TEPSIN: variants seen among roughly 807,000 people sequenced by gnomAD.
TEPSIN encodes TEPSIN adaptor related protein complex 4 accessory protein, also known as AP-4 complex accessory subunit tepsin.
TEPSIN carries 50 observed loss-of-function variants against 48.5 expected under a neutral mutation model. The observed-to-expected ratio is 1.03, with a 90% CI of 0.82 to 1.31. The LOEUF (loss-of-function observed/expected upper bound fraction) is 1.31. TEPSIN is among the 50% of genes most tolerant of loss of function. The probability of loss-of-function intolerance (pLI) is 0.00; values close to 1 mark genes in which losing one functional copy is unlikely to be tolerated. For synonymous variants in TEPSIN, 392 were observed against 358.8 expected, an observed-to-expected ratio of 1.09 and a Z score of -1.05; for missense variants, 838 against 815.9, an observed-to-expected ratio of 1.03 and a Z score of -0.33.
At chr17:81,238,927 G>A in intron 1 of TEPSIN, 59 bp downstream of exon 1, 2 of 1,401,498 alleles carry the variant, frequency 1.4e-6, no homozygotes, top group South Asian at 1.5e-5. Context: ...CGAGTCCGGG[G>A]AATGCGGCGC....
At chr17:81,231,756 G>C (rs1188851784) in intron 9 of TEPSIN, 65 bp from the exon 10 acceptor site, 64 of 1,607,446 alleles carry the variant, frequency 4.0e-5, no homozygotes, top group Non-Finnish European at 5.4e-5. Flanking sequence ...GTCTCGCATG[G>C]GGGAGAACCT....
At position 81,236,918 on chromosome 17, in the gene TEPSIN, C is replaced by T; in HGVS notation, c.213+62G>A. ...TGCCACCCTGGGCCGCTCGTCTGCT[C>T]CTCCATCCTCACCACCGTGGGCCGG... On this transcript the variant is annotated intron_variant, in intron 3 of 12. Coordinates refer to ENST00000637944, the MANE Select transcript of TEPSIN (RefSeq NM_001363764.2). 8.5e-6 allele frequency: 13 copies of T among 1,535,698 alleles called. 1 individual carries two copies. In the South Asian group the frequency reaches 1.3e-4, roughly 16 times the overall value.
At position 81,231,000 on chromosome 17, in the gene TEPSIN, G is replaced by A; in HGVS notation, c.1099-322C>T. The stretch of plus-strand genomic sequence containing the variant: ...GACCCCAGCGAGAAGCACGTGACCT[G>A]CTGCCCCGATTGCCTTACCTTCATT... On this transcript the variant is annotated intron_variant, in intron 11 of 12. Coordinates refer to ENST00000637944, the MANE Select transcript of TEPSIN (RefSeq NM_001363764.2). This position sits in a 1 kb window ranked among gnomAD's most constrained non-coding sequence, Gnocchi z 4.2. 1 of 498,438 alleles carries A rather than the reference G, an allele frequency of 2.0e-6. No homozygotes were observed. The highest frequency in any genetic ancestry group is 3.6e-6 in the Non-Finnish European group (1 of 280,584). The allele number at this position is 498,438 out of a possible 1,614,324, so 30.9% of individuals were successfully genotyped here.
chr17:81,230,643 G>A lies in TEPSIN; in HGVS notation c.1134C>T (p.Ser378=), dbSNP rs774883376. The stretch of plus-strand genomic sequence containing the variant: ...GGATGTGCTCCTGGGGGAGGAGGTC[G>A]CTGCTCCCCAGGGAGGCGATGGCAC... The part of the protein sequence containing the change: ...ALCAIASLGS[S]DLLPQEHILL... Residue 378 remains serine, a synonymous_variant, in exon 12 of 13, where the codon AGC becomes AGT. Transcript: ENST00000637944. The surrounding 1 kb of genome is among the most constrained non-coding windows in gnomAD (Gnocchi z 4.2). 2.1e-5 allele frequency: 34 copies of A among 1,587,934 alleles called. No homozygotes were observed. The highest frequency in any genetic ancestry group is 6.9e-5 in the East Asian group (3 of 43,466).
Position 81,236,758 on chromosome 17 carries a change from A to G in TEPSIN, c.257T>C (p.Phe86Ser), listed in dbSNP as rs376211942. The change falls in exon 4 of 13, where the codon TTC becomes TCC. Residue 86 changes from phenylalanine to serine, a missense_variant. Phe to Ser is a radical substitution (Grantham distance 155). Coordinates refer to ENST00000637944, the MANE Select transcript of TEPSIN (RefSeq NM_001363764.2). ...LLYLCSHGSS[F>S]FLLILKRNSA... Reference sequence around the variant, plus strand: ...GTTGCGTTTGAGGATGAGCAGGAAGAAGGAGGAGCCGTGGCTGCACAGATA... The same window carrying G: ...GTTGCGTTTGAGGATGAGCAGGAAGGAGGAGGAGCCGTGGCTGCACAGATA... 1.4e-4 allele frequency: 213 copies of G among 1,575,030 alleles called. No homozygotes were observed. The highest frequency in any genetic ancestry group is 2.1e-4 in the East Asian group (9 of 42,510).
intron 4 of TEPSIN, among the ~76,000 whole-genome samples, chr17:81,235,793 C>T (rs1030305260): frequency 3.9e-5 from 6 of 152,238 alleles, no homozygotes; most frequent in African/African-American, 1.4e-4. Context: ...CACTGCCGTC[C>T]CCTCAGGGGC....
chr17:81,230,813 C>T lies in TEPSIN; in HGVS notation c.1099-135G>A. The T allele has an allele frequency of 8.6e-7, 1 of 1,168,336 alleles. No individual in the cohort carries two copies. The highest frequency in any genetic ancestry group is 2.6e-4 in the Middle Eastern group (1 of 3,854). The allele number at this position is 1,168,336 out of a possible 1,614,324, so 72.4% of individuals were successfully genotyped here. On this transcript the variant is annotated intron_variant, in intron 11 of 12. Coordinates refer to ENST00000637944, the MANE Select transcript of TEPSIN (RefSeq NM_001363764.2). This position sits in a 1 kb window ranked among gnomAD's most constrained non-coding sequence, Gnocchi z 4.2. ...TGCCAGGAGGCCCCAGAGACAGCTCCACCACAGCCCTGTCCTCACCGCCTT... is the reference window on the plus strand; with the variant it reads ...TGCCAGGAGGCCCCAGAGACAGCTCTACCACAGCCCTGTCCTCACCGCCTT...
chr17:81,237,062 TG>T lies in TEPSIN; in HGVS notation c.130del (p.His44ThrfsTer15). On this transcript the variant is annotated frameshift_variant, in exon 3 of 13. Coordinates refer to ENST00000637944, the MANE Select transcript of TEPSIN (RefSeq NM_001363764.2). LOFTEE classifies it high-confidence loss of function. Reference protein sequence around the residue: ...YLFEEIAKISHESPGSSQCLL... With the variant: ...YLFEEIAKISXESPGSSQCLL... Reference sequence around the variant, plus strand: ...GCACTGGCTGCTGCCCGGAGACTCGTGGGAGATTTCTGCGGCACGCTCGGGT... The same window carrying T: ...GCACTGGCTGCTGCCCGGAGACTCGTGGAGATTTCTGCGGCACGCTCGGGT... The T allele has an allele frequency of 6.3e-7, 1 of 1,592,552 alleles. No individual in the cohort carries two copies. Among genetic ancestry groups the T allele is most frequent in the Non-Finnish European group, 8.5e-7 (1 of 1,169,848 alleles).
In TEPSIN at chr17:81,229,530, G is replaced by C. The variant is rs1264974318; in HGVS notation, c.1234-54C>G. Reference sequence around the variant, plus strand: ...TTCCTATGCAACCCTGGGAAATGTGGGGACCAGGGCCCGCTTCTCCCTAGG... The same window carrying C: ...TTCCTATGCAACCCTGGGAAATGTGCGGACCAGGGCCCGCTTCTCCCTAGG... On this transcript the variant is annotated intron_variant, in intron 12 of 12. Transcript: ENST00000637944. The C allele has an allele frequency of 2.6e-6, 4 of 1,531,478 alleles. No homozygotes were observed. In the African/African-American group the frequency reaches 4.1e-5, roughly 16 times the overall value. 94.9% of individuals were successfully genotyped at this position (1,531,478 alleles called of 1,614,324 possible). A position where few individuals can be genotyped will look rare whatever the true frequency, so the allele number is the denominator to read the frequency against.
rs752320102 is a variant in TEPSIN at position 81,233,595 on chromosome 17, A to C, written c.454+43T>G. The C allele has an allele frequency of 1.1e-5, 18 of 1,574,790 alleles. No individual in the cohort carries two copies. Among genetic ancestry groups the C allele is most frequent in the Non-Finnish European group, 2.6e-6 (3 of 1,159,390 alleles). On this transcript the variant is annotated intron_variant, in intron 6 of 12. Transcript: ENST00000637944. This position sits in a 1 kb window ranked among gnomAD's most constrained non-coding sequence, Gnocchi z 5.8. ...ACACCCAGGACACTCAAGGAGGCAG[A>C]AACCAGGTGCCAGAGCTGGACACGG... is the stretch of plus-strand genomic sequence containing the variant.
Position 81,230,538 on chromosome 17 carries a change from G to C in TEPSIN, c.1233+6C>G, listed in dbSNP as rs1424163902. 1.9e-6 allele frequency: 3 copies of C among 1,611,062 alleles called. No homozygotes were observed. The highest frequency in any genetic ancestry group is 2.2e-5 in the East Asian group (1 of 44,806). ...CGGTGTGCGTGTGGCCTCCGCAGCTGCCCACCTTGGTGGCCTTGTTGGTCA... is the reference window on the plus strand; with the variant it reads ...CGGTGTGCGTGTGGCCTCCGCAGCTCCCCACCTTGGTGGCCTTGTTGGTCA... On this transcript the variant is annotated splice_donor_region_variant and intron_variant, in intron 12 of 12. Coordinates refer to ENST00000637944, the MANE Select transcript of TEPSIN (RefSeq NM_001363764.2). This position sits in a 1 kb window ranked among gnomAD's most constrained non-coding sequence, Gnocchi z 4.2.
Position 81,233,862 on chromosome 17 carries a change from G to C in TEPSIN, c.375+119C>G. The C allele has an allele frequency of 1.5e-6, 2 of 1,368,738 alleles. No individual in the cohort carries two copies. The highest frequency in any genetic ancestry group is 2.0e-6 in the Non-Finnish European group (2 of 1,014,388). 84.8% of individuals were successfully genotyped at this position (1,368,738 alleles called of 1,614,324 possible). ...CAGGCTCTGTGTCCACCAGCAAGGA[G>C]CAGAGGCAGGGGTCCCGGATGGGAG... is the stretch of plus-strand genomic sequence containing the variant. On this transcript the variant is annotated intron_variant, in intron 5 of 12. Transcript: ENST00000637944. This position sits in a 1 kb window ranked among gnomAD's most constrained non-coding sequence, Gnocchi z 5.8.
rs778926196 is a variant in TEPSIN, at chr17:81,231,278, CAG to C, written c.1098+118_1098+119del. The C allele has an allele frequency of 3.9e-4, 427 of 1,089,366 alleles. 1 individual carries two copies. The highest frequency in any genetic ancestry group is 5.3e-4 in the Non-Finnish European group (406 of 772,886). The allele number at this position is 1,089,366 out of a possible 1,614,324, so 67.5% of individuals were successfully genotyped here. ...AGGCATGTGCGCACGCACAGCCACA[CAG>C]AGGAATGTTCACACACAGGTGTGCA... On this transcript the variant is annotated intron_variant, in intron 11 of 12. Transcript: ENST00000637944.
In TEPSIN at chr17:81,237,544, G is replaced by C; in HGVS notation, c.49-85C>G. 3.0e-6 allele frequency: 4 copies of C among 1,353,866 alleles called. No individual in the cohort carries two copies. The South Asian group carries it at 5.6e-5, about 19-fold the overall frequency. 83.9% of individuals were successfully genotyped at this position (1,353,866 alleles called of 1,614,324 possible). A position where few individuals can be genotyped will look rare whatever the true frequency, so the allele number is the denominator to read the frequency against. On this transcript the variant is annotated intron_variant, in intron 1 of 12. Coordinates refer to ENST00000637944, the MANE Select transcript of TEPSIN (RefSeq NM_001363764.2). Reference sequence around the variant, plus strand: ...GCAGCCCCCCAAAGGGGATGGAAACGACCCACCTCTCACTGTTGACATGGC... The same window carrying C: ...GCAGCCCCCCAAAGGGGATGGAAACCACCCACCTCTCACTGTTGACATGGC...
chr17:81,238,905 TCCGG>T, intron 1 of TEPSIN, 77 bp downstream of exon 1: 4 of 1,381,276 alleles, frequency 2.9e-6, no homozygotes, highest in Non-Finnish European at 3.7e-6. Flanking sequence ...GGTCAATGGC[TCCGG>T]CCCGGGGCGA....
Position 81,231,969 on chromosome 17 carries a change from G to T in TEPSIN, c.783C>A (p.Ser261Arg). The change falls in exon 9 of 13, where the codon AGC becomes AGA. Residue 261 changes from serine to arginine, a missense_variant. Physicochemically the swap from Ser to Arg is moderately radical, Grantham distance 110. Coordinates refer to ENST00000637944, the MANE Select transcript of TEPSIN (RefSeq NM_001363764.2). ...QAGGGWDELD[S>R]GPSSQNSSQN... ...GGGAGGAATTCTGAGAGCTGGGGCC[G>T]CTGTCCAGCTCATCCCAGCCCCCTC... 1 of 1,612,822 alleles carries T rather than the reference G, an allele frequency of 6.2e-7. No homozygotes were observed. Among genetic ancestry groups the T allele is most frequent in the Non-Finnish European group, 8.5e-7 (1 of 1,179,954 alleles).
In TEPSIN at chr17:81,230,068, G is replaced by A. The variant is rs2062557781; in HGVS notation, c.1233+476C>T. The stretch of plus-strand genomic sequence containing the variant: ...GGCAGAGGGAAGGTGCCAGGGCCTG[G>A]CGGCCGGGAGAGGCCTCCCCGTGTG... On this transcript the variant is annotated intron_variant, in intron 12 of 12. Transcript: ENST00000637944. This position sits in a 1 kb window ranked among gnomAD's most constrained non-coding sequence, Gnocchi z 4.2. 1 of 167,796 alleles carries A rather than the reference G, an allele frequency of 6.0e-6. No individual in the cohort carries two copies. Among genetic ancestry groups the A allele is most frequent in the South Asian group, 1.6e-4 (1 of 6,342 alleles). 10.4% of individuals were successfully genotyped at this position (167,796 alleles called of 1,614,324 possible). A position where few individuals can be genotyped will look rare whatever the true frequency, so the allele number is the denominator to read the frequency against.
chr17:81,230,164 G>A lies in TEPSIN; in HGVS notation c.1233+380C>T. The A allele has an allele frequency of 4.4e-6, 1 of 228,308 alleles. No individual in the cohort carries two copies. The highest frequency in any genetic ancestry group is 8.7e-6 in the Non-Finnish European group (1 of 115,374). The allele number at this position is 228,308 out of a possible 1,614,324, so 14.1% of individuals were successfully genotyped here. On this transcript the variant is annotated intron_variant, in intron 12 of 12. Coordinates refer to ENST00000637944, the MANE Select transcript of TEPSIN (RefSeq NM_001363764.2). This position sits in a 1 kb window ranked among gnomAD's most constrained non-coding sequence, Gnocchi z 4.2. ...ATGAATGGAACCATTTCTGCCCTCC[G>A]GAGCTTGGGAGTTGAGCATGAGCTG... is the stretch of plus-strand genomic sequence containing the variant.
chr17:81,237,301 C>T, intron 2 of TEPSIN, 86 bp downstream of exon 2: 1 of 1,447,974 alleles, frequency 6.9e-7, no homozygotes, highest in Non-Finnish European at 9.5e-7. Flanking sequence ...CCCCTAGGGA[C>T]AGCAGAATCC....
Sources: gnomAD v4.1 joint callset for allele counts (sites outside exome capture counted in the v4.1 genomes callset) on GRCh38, gnomAD v4.1.1 for gene constraint, Gnocchi (gnomAD v3.1) non-coding constraint, MANE v1.5 for transcripts, NCBI Gene and HGNC (gene_info 2026-07-23, HGNC 2026-07-21) for gene names.